PAQR8: variants seen among roughly 807,000 people sequenced by gnomAD.
The protein encoded by PAQR8 is membrane progestin receptor beta.
Under a neutral mutation model 25.2 loss-of-function variants are expected in PAQR8, and 17 were observed. The observed-to-expected ratio is 0.67, with a 90% CI of 0.46 to 1.01. The LOEUF is 1.01. Ranked by LOEUF, PAQR8 falls within the 50% of genes least tolerant of loss-of-function variation. The pLI is 0.00. For synonymous variants in PAQR8, 204 were observed against 190.6 expected (o/e 1.07, Z -0.58); for missense variants, 392 against 448.4 (o/e 0.87, Z 1.14).
In PAQR8 at chr6:52,404,463, T is replaced by A; in HGVS notation, c.*185T>A. 1.7e-6 allele frequency: 1 copy of A among 600,476 alleles called. No homozygotes were observed. Among genetic ancestry groups the A allele is most frequent in the Non-Finnish European group, 2.9e-6 (1 of 344,912 alleles). 37.2% of individuals were successfully genotyped at this position (600,476 alleles called of 1,614,324 possible). Reference sequence around the variant, plus strand: ...TTGTTGTTGTTAATAAAAGGAATACTCCTTTTCCTTTTGGATCATAGCTTA... The same window carrying A: ...TTGTTGTTGTTAATAAAAGGAATACACCTTTTCCTTTTGGATCATAGCTTA... On this transcript the variant is annotated 3_prime_UTR_variant, in exon 2 of 2. Coordinates refer to ENST00000442253, the MANE Select transcript of PAQR8 (RefSeq NM_133367.5).
intron 1 of PAQR8, among the ~76,000 whole-genome samples, chr6:52,377,144 T>C (rs1031273237): frequency 6.6e-6 from 1 of 152,248 alleles, no homozygotes; most frequent in African/African-American, 2.4e-5. Context: ...GGTAAACTTA[T>C]ATAATATTGG....
chr6:52,368,000 G>A (rs1416320164), intron 1 of PAQR8, among the ~76,000 whole-genome samples: 1 of 152,130 alleles, frequency 6.6e-6, no homozygotes, highest in Admixed American at 6.5e-5. Flanking sequence ...AAGCTGAGAT[G>A]GGAAGATCGC....
chr6:52,397,413 C>T (rs752378550), intron 1 of PAQR8, among the ~76,000 whole-genome samples: 4 of 152,224 alleles, frequency 2.6e-5, no homozygotes, highest in Non-Finnish European at 5.9e-5. Context: ...CCCCCCAACG[C>T]TGCCCCAGGA....
At chr6:52,382,314 G>A (rs1763570654) in intron 1 of PAQR8, among the ~76,000 whole-genome samples, 1 of 152,162 alleles carries the variant, frequency 6.6e-6, no homozygotes, top group Non-Finnish European at 1.5e-5. Flanking sequence ...GCTATTCCAG[G>A]TAAAGGCAAC....
chr6:52,379,849 G>C (rs1763537660), intron 1 of PAQR8, among the ~76,000 whole-genome samples: 1 of 151,996 alleles, frequency 6.6e-6, no homozygotes, highest in Non-Finnish European at 1.5e-5. Flanking sequence ...GGATGGTCTC[G>C]ATCTGCTGAC....
rs189197906 is a variant in PAQR8, at chr6:52,407,643, A to C, written c.*3365A>C. 5 of 143,700 alleles carry C rather than the reference A, an allele frequency of 3.5e-5. No individual in the cohort carries two copies. Among genetic ancestry groups the C allele is most frequent in the Non-Finnish European group, 6.1e-5 (4 of 65,058 alleles). The allele number at this position is 143,700 out of a possible 1,614,324, so 8.9% of individuals were successfully genotyped here. ...GCCATTGTCCCCAAGGCTTCTGTCT[A>C]CTAATTCTATTGGTCTTGTGTTTTG... On this transcript the variant is annotated 3_prime_UTR_variant, in exon 2 of 2. Transcript: ENST00000442253.
At chr6:52,379,686 C>G (rs1189216301) in intron 1 of PAQR8, among the ~76,000 whole-genome samples, 1 of 137,362 alleles carries the variant, frequency 7.3e-6, no homozygotes, top group Non-Finnish European at 1.5e-5. Context: ...GAGTGCAGTG[C>G]TGCGATCTCG....
chr6:52,374,431 T>C (rs1210183802), intron 1 of PAQR8, among the ~76,000 whole-genome samples: 2 of 152,232 alleles, frequency 1.3e-5, no homozygotes, highest in South Asian at 2.1e-4. Flanking sequence ...ATTTCTTCTT[T>C]TGACAGGGTC....
At chr6:52,380,445 G>C (rs1465717298) in intron 1 of PAQR8, among the ~76,000 whole-genome samples, 1 of 152,232 alleles carries the variant, frequency 6.6e-6, no homozygotes, top group Admixed American at 6.5e-5. Context: ...GCACTTCACA[G>C]ATTATAATCA....
chr6:52,386,621 G>A (rs1763635996), intron 1 of PAQR8, among the ~76,000 whole-genome samples: 1 of 151,984 alleles, frequency 6.6e-6, no homozygotes, highest in African/African-American at 2.4e-5. Context: ...CTAAACATTG[G>A]GTATACATGG....
At chr6:52,365,494 T>C (rs1245873591) in intron 1 of PAQR8, among the ~76,000 whole-genome samples, 2 of 152,204 alleles carry the variant, frequency 1.3e-5, no homozygotes, top group African/African-American at 2.4e-5. Flanking sequence ...ATAACATTGA[T>C]GCGTGTAGAA....
At position 52,400,630 on chromosome 6, in the gene PAQR8, G is replaced by A. The variant is rs542007272; in HGVS notation, c.-52-2532G>A. On this transcript the variant is annotated intron_variant, in intron 1 of 1. Transcript: ENST00000442253. Reference sequence around the variant, plus strand: ...TGCTCTCTGCCTAGAAGTCTCTTCCGCCTTTATCTTTTCTCAGGAATTCTG... The same window carrying A: ...TGCTCTCTGCCTAGAAGTCTCTTCCACCTTTATCTTTTCTCAGGAATTCTG... 3.9e-5 allele frequency among the ~76,000 whole-genome samples: 6 copies of A among 152,268 alleles called. 1 individual carries two copies. Among genetic ancestry groups the A allele is most frequent in the African/African-American group, 7.2e-5 (3 of 41,552 alleles).
intron 1 of PAQR8, among the ~76,000 whole-genome samples, chr6:52,383,666 A>AAC (rs1763592779): frequency 6.6e-6 from 1 of 151,830 alleles, no homozygotes; most frequent in Non-Finnish European, 1.5e-5. Flanking sequence ...GTCTCAAAAA[A>AAC]AAAAAAAAAA....
At chr6:52,372,096 T>C (rs1456748115) in intron 1 of PAQR8, among the ~76,000 whole-genome samples, 2 of 152,116 alleles carry the variant, frequency 1.3e-5, no homozygotes, top group Non-Finnish European at 2.9e-5. Flanking sequence ...ACTGGAGGCA[T>C]GGAGTGCATT....
chr6:52,399,787 A>G (rs1000202266), intron 1 of PAQR8, among the ~76,000 whole-genome samples: 16 of 152,120 alleles, frequency 1.1e-4, no homozygotes, highest in Non-Finnish European at 1.8e-4. Flanking sequence ...ACTATATCTA[A>G]AGAATAGAGC....
Position 52,404,092 on chromosome 6 carries a change from G to T in PAQR8, c.879G>T (p.Thr293=). 6.2e-7 allele frequency: 1 copy of T among 1,614,112 alleles called. No homozygotes were observed. Among genetic ancestry groups the T allele is most frequent in the East Asian group, 2.2e-5 (1 of 44,884 alleles). The part of the protein sequence containing the change: ...QIFHAFLSIC[T]LSQLEAILLD... ...TCCATGCATTTCTGTCCATCTGTAC[G>T]CTCTCCCAGCTGGAGGCCATCCTCC... The change falls in exon 2 of 2, where the codon ACG becomes ACT. Residue 293 remains threonine, a synonymous_variant. Transcript: ENST00000442253.
intron 1 of PAQR8, among the ~76,000 whole-genome samples, chr6:52,385,479 C>T (rs1191509815): frequency 2.0e-5 from 3 of 152,176 alleles, no homozygotes; most frequent in South Asian, 2.1e-4. Flanking sequence ...GTACCCTTCT[C>T]GACATAGGCC....
chr6:52,363,602 C>T (rs1210903547), intron 1 of PAQR8, among the ~76,000 whole-genome samples: 1 of 152,180 alleles, frequency 6.6e-6, no homozygotes. Context: ...TGTCCACAAA[C>T]GCACTGCATT....
chr6:52,369,915 A>G (rs555537898), intron 1 of PAQR8, among the ~76,000 whole-genome samples: 2 of 152,338 alleles, frequency 1.3e-5, no homozygotes, highest in Admixed American at 1.3e-4. Flanking sequence ...CTAATACTCA[A>G]TTGCCTGCAG....
Sources: gnomAD v4.1 joint callset for allele counts (sites outside exome capture counted in the v4.1 genomes callset) on GRCh38, gnomAD v4.1.1 for gene constraint, MANE v1.5 for transcripts, NCBI Gene and HGNC (gene_info 2026-07-23, HGNC 2026-07-21) for gene names.